LUZP2: variants seen among roughly 807,000 people sequenced by gnomAD.
LUZP2 encodes leucine zipper protein 2.
In LUZP2, 52 loss-of-function variants were observed where a neutral mutation model predicts 51.6. The observed-to-expected ratio is 1.01, with a 90% CI of 0.81 to 1.27. LUZP2 has a LOEUF of 1.27. Ranked by LOEUF, LUZP2 falls within the 50% of genes most tolerant of loss-of-function variation. The probability of loss-of-function intolerance (pLI) is 0.00; values close to 1 mark genes in which losing one functional copy is unlikely to be tolerated. For synonymous variants in LUZP2, 154 were observed against 137.3 expected (o/e 1.12, Z -0.85); for missense variants, 436 against 395.4 (o/e 1.10, Z -0.87).
chr11:24,826,842 T>C (rs1215471591), intron 5 of LUZP2, among the ~76,000 whole-genome samples: 6 of 152,178 alleles, frequency 3.9e-5, no homozygotes, highest in African/African-American at 1.4e-4. Flanking sequence ...GAATACAGCA[T>C]GATTTAAAGT....
At chr11:24,560,851 G>C (rs908744585) in intron 1 of LUZP2, among the ~76,000 whole-genome samples, 1 of 152,188 alleles carries the variant, frequency 6.6e-6, no homozygotes, top group African/African-American at 2.4e-5. Context: ...GACATAGTTT[G>C]CAGATTAATT....
intron 1 of LUZP2, among the ~76,000 whole-genome samples, chr11:24,727,186 A>G (rs1019656317): frequency 5.9e-5 from 9 of 152,224 alleles, no homozygotes; most frequent in Admixed American, 5.2e-4. Flanking sequence ...AAACAAAGTC[A>G]ACATTTATTT....
intron 5 of LUZP2, among the ~76,000 whole-genome samples, chr11:24,845,555 G>A (rs548283707): frequency 5.9e-5 from 9 of 152,144 alleles, no homozygotes; most frequent in African/African-American, 1.4e-4. Context: ...AGAATGATAC[G>A]GTTTGGCTGT....
At chr11:24,837,802 A>G (rs1316781646) in intron 5 of LUZP2, among the ~76,000 whole-genome samples, 1 of 151,644 alleles carries the variant, frequency 6.6e-6, no homozygotes, top group Non-Finnish European at 1.5e-5. Flanking sequence ...TACATGCTCA[A>G]TATACTATAA....
At chr11:24,898,545 C>T (rs10767272) in intron 5 of LUZP2, among the ~76,000 whole-genome samples, 73,869 of 151,406 alleles carry the variant, frequency 0.49, 18,312 homozygotes, top group East Asian at 0.72. Flanking sequence ...ATGGCATGAA[C>T]TTGGGAAGCA....
At chr11:25,066,200 T>G (rs1858993769) in intron 10 of LUZP2, among the ~76,000 whole-genome samples, 1 of 151,870 alleles carries the variant, frequency 6.6e-6, no homozygotes, top group Admixed American at 6.6e-5. Context: ...ACTCTTCCTA[T>G]TAGTTATGCA....
At chr11:24,697,360 G>C (rs933353187) in intron 1 of LUZP2, among the ~76,000 whole-genome samples, 2 of 152,084 alleles carry the variant, frequency 1.3e-5, no homozygotes, top group African/African-American at 4.8e-5. Flanking sequence ...AAAATGGAAT[G>C]ACAAGATAAA....
intron 7 of LUZP2, among the ~76,000 whole-genome samples, chr11:24,963,815 C>T (rs554646207): frequency 2.0e-5 from 3 of 152,202 alleles, no homozygotes; most frequent in East Asian, 1.9e-4. Flanking sequence ...GAGATGAACC[C>T]GGTACCTCAG....
intron 7 of LUZP2, among the ~76,000 whole-genome samples, chr11:24,922,424 A>C (rs1472283250): frequency 1.3e-5 from 2 of 152,178 alleles, no homozygotes; most frequent in African/African-American, 2.4e-5. Flanking sequence ...TTTGTAAAGT[A>C]GTTTTTCCTT....
chr11:24,627,787 T>C (rs890374547), intron 1 of LUZP2, among the ~76,000 whole-genome samples: 1 of 152,172 alleles, frequency 6.6e-6, no homozygotes, highest in African/African-American at 2.4e-5. Context: ...TCATGCCACA[T>C]ATGACACCCA....
rs1342159004 is a variant in LUZP2, at chr11:24,959,429, C to CT, written c.523-17160dup. 2.6e-5 allele frequency among the ~76,000 whole-genome samples: 4 copies of CT among 152,116 alleles called. No homozygotes were observed. In the East Asian group the frequency reaches 7.7e-4, roughly 29 times the overall value. Reference sequence around the variant, plus strand: ...ATTTGTTTGTATCCTCTTTTATTTCCTTGAGCAGCGGTTTGTAGTTCTCCT... The same window carrying CT: ...ATTTGTTTGTATCCTCTTTTATTTCCTTTGAGCAGCGGTTTGTAGTTCTCCT... On this transcript the variant is annotated intron_variant, in intron 7 of 11. Coordinates refer to ENST00000336930, the MANE Select transcript of LUZP2 (RefSeq NM_001009909.4).
At chr11:24,726,801 C>A (rs1233537502) in intron 1 of LUZP2, among the ~76,000 whole-genome samples, 1 of 152,044 alleles carries the variant, frequency 6.6e-6, no homozygotes, top group Non-Finnish European at 1.5e-5. Flanking sequence ...GTCACATTTA[C>A]TTTTCATGTA....
At chr11:24,879,211 T>G (rs1259192227) in intron 5 of LUZP2, among the ~76,000 whole-genome samples, 1 of 152,150 alleles carries the variant, frequency 6.6e-6, no homozygotes, top group Non-Finnish European at 1.5e-5. Flanking sequence ...CCCAAAGTAC[T>G]GGGATTACAG....
intron 1 of LUZP2, among the ~76,000 whole-genome samples, chr11:24,695,294 T>C (rs2133896938): frequency 6.6e-6 from 1 of 152,168 alleles, no homozygotes; most frequent in Non-Finnish European, 1.5e-5. Context: ...CTAAAGCAAG[T>C]TTTAGAATTA....
intron 9 of LUZP2, among the ~76,000 whole-genome samples, chr11:25,028,524 G>T (rs1857561271): frequency 6.6e-6 from 1 of 152,072 alleles, no homozygotes; most frequent in Admixed American, 6.6e-5. Flanking sequence ...TATGTTAAGT[G>T]AAATAAACTG....
intron 6 of LUZP2, among the ~76,000 whole-genome samples, chr11:24,908,642 G>C (rs1350802014): frequency 6.6e-6 from 1 of 151,804 alleles, no homozygotes; most frequent in Non-Finnish European, 1.5e-5. Context: ...GCTGGGTTTT[G>C]AATTAATATA....
chr11:24,785,745 G>A (rs1420050277), intron 5 of LUZP2: 3 of 368,024 alleles, frequency 8.2e-6, no homozygotes, highest in African/African-American at 6.6e-5. Context: ...CTACATATGT[G>A]CTATTATATA....
intron 7 of LUZP2, among the ~76,000 whole-genome samples, chr11:24,940,939 C>CTTTTG (rs1204642637): frequency 1.3e-5 from 2 of 152,104 alleles, no homozygotes; most frequent in Admixed American, 1.3e-4. Flanking sequence ...TTCTCTTTCA[C>CTTTTG]TTTTGTTTTG....
chr11:25,026,350 G>A (rs78288320), intron 9 of LUZP2, among the ~76,000 whole-genome samples: 3,165 of 152,142 alleles, frequency 0.021, 52 homozygotes, highest in South Asian at 0.083. Flanking sequence ...AGTTATAACA[G>A]AAAATTTTGG....
Sources: gnomAD v4.1 joint callset for allele counts (sites outside exome capture counted in the v4.1 genomes callset) on GRCh38, gnomAD v4.1.1 for gene constraint, MANE v1.5 for transcripts, NCBI Gene and HGNC (gene_info 2026-07-23, HGNC 2026-07-21) for gene names.